ZNF200: variants seen among roughly 807,000 people sequenced by gnomAD.
ZNF200 encodes zinc finger protein 200.
A neutral mutation model predicts 33.6 loss-of-function variants in ZNF200; 35 were observed. That is an observed-to-expected ratio of 1.04 (90% CI 0.80 to 1.38). ZNF200 has a LOEUF of 1.38. ZNF200 is among the 40% of genes most tolerant of loss of function. The probability of loss-of-function intolerance (pLI) is 0.00; values close to 1 mark genes in which losing one functional copy is unlikely to be tolerated. For synonymous variants in ZNF200, 209 were observed against 167.7 expected, an observed-to-expected ratio of 1.25 and a Z score of -1.90; for missense variants, 592 against 470.6, an observed-to-expected ratio of 1.26 and a Z score of -2.39.
At chr16:3,230,439 G>A (rs556041922) in intron 4 of ZNF200, among the ~76,000 whole-genome samples, 2 of 152,126 alleles carry the variant, frequency 1.3e-5, no homozygotes, top group African/African-American at 2.4e-5. Context: ...CTGAGTCTTT[G>A]TTTGTTGCCT....
intron 4 of ZNF200, 112 bp from the exon 5 acceptor site, chr16:3,224,725 G>A (rs957416578): frequency 6.8e-5 from 93 of 1,374,670 alleles, no homozygotes; most frequent in Non-Finnish European, 7.8e-5. Context: ...TCTGGGGAGT[G>A]GCGGATACTG....
In ZNF200 at chr16:3,223,975, AT is replaced by A; in HGVS notation, c.1104del (p.Lys368AsnfsTer37). ...GACAGCCGACCAAATCTTCTCCCACATTTTTTGCAACCATATGGTCTCTCAG... is the reference window on the plus strand; with the variant it reads ...GACAGCCGACCAAATCTTCTCCCACATTTTTGCAACCATATGGTCTCTCAG... ...HEAERPYGCK[K>X]CGRRFGRLSN... On this transcript the variant is annotated frameshift_variant, in exon 5 of 5. Coordinates refer to ENST00000414144, the MANE Select transcript of ZNF200 (RefSeq NM_198088.3). LOFTEE classifies it high-confidence loss of function. 6.2e-7 allele frequency: 1 copy of A among 1,613,904 alleles called. No individual in the cohort carries two copies. Among genetic ancestry groups the A allele is most frequent in the Non-Finnish European group, 8.5e-7 (1 of 1,179,918 alleles).
At chr16:3,225,767 T>G (rs1217226213) in intron 4 of ZNF200, 1 of 152,096 alleles carries the variant, frequency 6.6e-6, no homozygotes, top group Admixed American at 6.5e-5. Flanking sequence ...GATATACTTG[T>G]GTGACAAGGG....
chr16:3,226,179 A>C (rs1958466143), intron 4 of ZNF200: 1 of 146,302 alleles, frequency 6.8e-6, no homozygotes, highest in Admixed American at 7.1e-5. Flanking sequence ...GAGCCTCCCC[A>C]GTAGCTGGGA....
intron 4 of ZNF200, among the ~76,000 whole-genome samples, chr16:3,232,139 G>A (rs911876702): frequency 6.6e-6 from 1 of 152,156 alleles, no homozygotes; most frequent in African/African-American, 2.4e-5. Context: ...ACAGAGTTCA[G>A]AAAATGGGTT....
At position 3,232,547 on chromosome 16, in the gene ZNF200, C is replaced by A. The variant is rs746117764; in HGVS notation, c.340G>T (p.Glu114Ter). ...VSLYLKANPE[E>*]LVVFEDLNVF... is the part of the protein sequence containing the mutation. Reference sequence around the variant, plus strand: ...TTCAAATCCTCAAAGACCACCAGCTCCTGAAAGAGCAAGAGGCCCCTTTCA... The same window carrying A: ...TTCAAATCCTCAAAGACCACCAGCTACTGAAAGAGCAAGAGGCCCCTTTCA... Residue 114 changes from glutamate to a stop codon, truncating the protein, a stop_gained and splice_region_variant, in exon 4 of 5, where the codon GAG becomes TAG. Coordinates refer to ENST00000414144, the MANE Select transcript of ZNF200 (RefSeq NM_198088.3). LOFTEE classifies it high-confidence loss of function. 1 of 1,613,466 alleles carries A rather than the reference C, an allele frequency of 6.2e-7. No individual in the cohort carries two copies. Among genetic ancestry groups the A allele is most frequent in the Non-Finnish European group, 8.5e-7 (1 of 1,179,956 alleles).
At chr16:3,227,297 A>T (rs1044690082) in intron 4 of ZNF200, 1 of 152,188 alleles carries the variant, frequency 6.6e-6, no homozygotes, top group African/African-American at 2.4e-5. Flanking sequence ...TGGGCTTTTG[A>T]GTCTTAATTA....
Position 3,232,927 on chromosome 16 carries a change from G to GA in ZNF200, c.251-7dup. Reference sequence around the variant, plus strand: ...CACCAAGGGACGAGGATGCACTGGGGAAAGAGGAAGGTTTAGTTAGTGAAA... The same window carrying GA: ...CACCAAGGGACGAGGATGCACTGGGGAAAAGAGGAAGGTTTAGTTAGTGAAA... On this transcript the variant is annotated splice_region_variant and splice_polypyrimidine_tract_variant and intron_variant, in intron 2 of 4. Transcript: ENST00000414144. The GA allele has an allele frequency of 6.2e-7, 1 of 1,613,224 alleles. No homozygotes were observed. The highest frequency in any genetic ancestry group is 8.5e-7 in the Non-Finnish European group (1 of 1,179,448).
intron 4 of ZNF200, among the ~76,000 whole-genome samples, chr16:3,230,512 C>T (rs2141635912): frequency 6.6e-6 from 1 of 152,288 alleles, no homozygotes; most frequent in Admixed American, 6.5e-5. Context: ...CACACAGTAG[C>T]TATAATAAGA....
intron 1 of ZNF200, 142 bp from the exon 2 acceptor site, chr16:3,233,978 T>G: frequency 1.8e-6 from 1 of 543,066 alleles, no homozygotes; most frequent in South Asian, 2.8e-5. Flanking sequence ...AAACGCAGTA[T>G]TTGAACAAGA....
chr16:3,224,169 C>T lies in ZNF200; in HGVS notation c.911G>A (p.Gly304Glu). 1 of 1,614,164 alleles carries T rather than the reference C, an allele frequency of 6.2e-7. No homozygotes were observed. Among genetic ancestry groups the T allele is most frequent in the African/African-American group, 1.3e-5 (1 of 75,028 alleles). Residue 304 changes from glycine to glutamate, a missense_variant, in exon 5 of 5, where the codon GGA becomes GAA. By Grantham distance (98) the Gly-to-Glu change is moderately conservative (BLOSUM62 -2). Transcript: ENST00000414144. ...CTGAGAACAGGAATAAGGTTTCTCT[C>T]CTGTATGAATTCGCTCATGTTTATT... ...NLNKHERIHT[G>E]EKPYSCSQCG...
At position 3,232,446 on chromosome 16, in the gene ZNF200, G is replaced by A; in HGVS notation, c.441C>T (p.Ser147=). 6.2e-7 allele frequency: 1 copy of A among 1,614,026 alleles called. No individual in the cohort carries two copies. The highest frequency in any genetic ancestry group is 8.5e-7 in the Non-Finnish European group (1 of 1,179,956). The change falls in exon 4 of 5, where the codon AGC becomes AGT. Residue 147 remains serine (S), a synonymous_variant. Transcript: ENST00000414144. ...CCAGTAACATCATTTCCCCGACACTGCTGTCATCTTCCTTCTCTGACGTGA... is the reference window on the plus strand; with the variant it reads ...CCAGTAACATCATTTCCCCGACACTACTGTCATCTTCCTTCTCTGACGTGA... ...QQLTSEKEDD[S]SVGEMMLLAV... is the part of the protein sequence containing the mutation.
Position 3,223,708 on chromosome 16 carries a change from T to C in ZNF200, c.*184A>G. ...AGATGCTGAGGTATAGCCCTTGAAA[T>C]GTTTTCTTCCCTGTGAATTTTCTAG... On this transcript the variant is annotated 3_prime_UTR_variant, in exon 5 of 5. Transcript: ENST00000414144. The C allele has an allele frequency of 2.2e-6, 2 of 901,478 alleles. No homozygotes were observed. The highest frequency in any genetic ancestry group is 3.3e-6 in the Non-Finnish European group (2 of 615,304). 55.8% of individuals were successfully genotyped at this position (901,478 alleles called of 1,614,324 possible). A position where few individuals can be genotyped will look rare whatever the true frequency, so the allele number is the denominator to read the frequency against.
intron 4 of ZNF200, among the ~76,000 whole-genome samples, chr16:3,232,213 C>T (rs1296687403): frequency 6.6e-6 from 1 of 152,130 alleles, no homozygotes; most frequent in Non-Finnish European, 1.5e-5. Context: ...CCCCTCACTG[C>T]CCCCAAGATA....
intron 4 of ZNF200, chr16:3,227,865 C>G (rs2141625853): frequency 6.6e-6 from 1 of 152,256 alleles, no homozygotes; most frequent in Non-Finnish European, 1.5e-5. Flanking sequence ...CCAACTTTAT[C>G]ACACACTAAA....
Position 3,222,428 on chromosome 16 carries a change from C to A in ZNF200, c.*1464G>T, listed in dbSNP as rs1958352039. 1 of 151,926 alleles carries A rather than the reference C, an allele frequency of 6.6e-6. No homozygotes were observed. The highest frequency in any genetic ancestry group is 2.4e-5 in the African/African-American group (1 of 41,334). The allele number at this position is 151,926 out of a possible 1,614,324, so 9.4% of individuals were successfully genotyped here. A position where few individuals can be genotyped will look rare whatever the true frequency, so the allele number is the denominator to read the frequency against. The stretch of plus-strand genomic sequence containing the variant: ...AATTAACAACAGTGAGATGACTATA[C>A]AAATATATAATTAAAAATAACTTTC... On this transcript the variant is annotated 3_prime_UTR_variant, in exon 5 of 5. Transcript: ENST00000414144.
chr16:3,224,505 A>G lies in ZNF200; in HGVS notation c.575T>C (p.Val192Ala), dbSNP rs1487654525. The G allele has an allele frequency of 6.2e-7, 1 of 1,614,050 alleles. No individual in the cohort carries two copies. Among genetic ancestry groups the G allele is most frequent in the Admixed American group, 1.7e-5 (1 of 59,986 alleles). The change falls in exon 5 of 5, where the codon GTC (valine) becomes GCC (alanine). Residue 192 changes from valine (V) to alanine (A), a missense_variant. Physicochemically the swap from Val to Ala is moderately conservative, Grantham distance 64 (BLOSUM62 0). Coordinates refer to ENST00000414144, the MANE Select transcript of ZNF200 (RefSeq NM_198088.3). ...SDDDEMDSSL[V>A]SQQPPDNQEK... The stretch of plus-strand genomic sequence containing the variant: ...CTGGTTATCGGGAGGCTGCTGAGAG[A>G]CCAAGGAAGAATCCATTTCATCATC...
In ZNF200 at chr16:3,235,116, CGCCG is replaced by C. The variant is rs1958770091; in HGVS notation, c.-215_-212del. 3 of 152,212 alleles carry C rather than the reference CGCCG, an allele frequency of 2.0e-5. No individual in the cohort carries two copies. The South Asian group carries it at 6.2e-4, about 31-fold the overall frequency. The allele number at this position is 152,212 out of a possible 1,614,324, so 9.4% of individuals were successfully genotyped here. A position where few individuals can be genotyped will look rare whatever the true frequency, so the allele number is the denominator to read the frequency against. On this transcript the variant is annotated 5_prime_UTR_variant, in exon 1 of 5. Coordinates refer to ENST00000414144, the MANE Select transcript of ZNF200 (RefSeq NM_198088.3). Reference sequence around the variant, plus strand: ...CGCCCTTCCGAGTGCCCTCACAGGTCGCCGGCGACTATTCGTTCGCGCCGCCGCC... The same window carrying C: ...CGCCCTTCCGAGTGCCCTCACAGGTCGCGACTATTCGTTCGCGCCGCCGCC...
At chr16:3,233,383 C>G in intron 2 of ZNF200, 123 bp downstream of exon 2, 11 of 1,350,786 alleles carry the variant, frequency 8.1e-6, no homozygotes, top group Non-Finnish European at 1.1e-5. Context: ...CTTTCCAACA[C>G]TAGAATTGAC....
Sources: allele counts gnomAD v4.1 joint callset (sites outside exome capture counted in the v4.1 genomes callset), GRCh38; gene constraint gnomAD v4.1.1; transcripts MANE v1.5; gene names NCBI Gene and HGNC (gene_info 2026-07-23, HGNC 2026-07-21).